ASB16: variants seen among roughly 807,000 people sequenced by gnomAD.
ASB16 encodes the protein ankyrin repeat and SOCS box protein 16.
A neutral mutation model predicts 39.1 loss-of-function variants in ASB16; 44 were observed. The observed-to-expected ratio is 1.13, with a 90% confidence interval of 0.88 to 1.45. The LOEUF (loss-of-function observed/expected upper bound fraction) is 1.45. Among genes scored for constraint, ASB16 ranks in the 40% most tolerant of loss-of-function variants. The pLI is 0.00. For synonymous variants in ASB16, 305 were observed against 286.7 expected (o/e 1.06, Z -0.64); for missense variants, 698 against 634.5 (o/e 1.10, Z -1.07).
chr17:44,174,616 C>A (rs1025840172), intron 2 of ASB16, among the ~76,000 whole-genome samples: 1 of 152,150 alleles, frequency 6.6e-6, no homozygotes, highest in South Asian at 2.1e-4. Flanking sequence ...GGAAGACTCT[C>A]CACTGCCCAC....
rs7218599 is a variant in ASB16 at position 44,170,978 on chromosome 17, A to T, written c.189A>T (p.Gln63His). 0.87 allele frequency: 1,400,955 copies of T among 1,613,816 alleles called. 609,341 individuals are homozygous for T. Among genetic ancestry groups the T allele is most frequent in the African/African-American group, 0.98 (73,271 of 75,038 alleles). ...HRSCRDPAVH[Q>H]ALFSGNLQQV... ...CCTGCCGAGACCCAGCTGTCCACCA[A>T]GCCCTCTTCTCCGGCAACCTGCAGC... The change falls in exon 1 of 5, where the codon CAA (glutamine) becomes CAT (histidine). Residue 63 changes from glutamine (Q) to histidine (H), a missense_variant. Physicochemically the swap from Gln to His is conservative, Grantham distance 24. Coordinates refer to ENST00000293414, the MANE Select transcript of ASB16 (RefSeq NM_080863.5).
chr17:44,177,899 C>T, intron 4 of ASB16, 177 bp downstream of exon 4: 1 of 814,820 alleles, frequency 1.2e-6, no homozygotes. Flanking sequence ...CCCCTAACTC[C>T]ACACACCTCT....
Position 44,178,184 on chromosome 17 carries a change from C to T in ASB16, c.1177-21C>T, listed in dbSNP as rs778945676. The T allele has an allele frequency of 1.3e-5, 21 of 1,611,068 alleles. No homozygotes were observed. The East Asian group carries it at 4.0e-4, about 31-fold the overall frequency. On this transcript the variant is annotated intron_variant, in intron 4 of 4. Coordinates refer to ENST00000293414, the MANE Select transcript of ASB16 (RefSeq NM_080863.5). ...GATGGTAGGGCAAGGGTCATCTGACCTTCTTTCACTCCTGGCCTAGGAGCA... is the reference window on the plus strand; with the variant it reads ...GATGGTAGGGCAAGGGTCATCTGACTTTCTTTCACTCCTGGCCTAGGAGCA...
intron 2 of ASB16, among the ~76,000 whole-genome samples, chr17:44,172,790 C>A (rs1277450580): frequency 6.6e-6 from 1 of 150,416 alleles, no homozygotes; most frequent in Non-Finnish European, 1.5e-5. Flanking sequence ...CTAGGTTTTG[C>A]ATTTCTAGTG....
In ASB16 at chr17:44,177,124, C is replaced by G; in HGVS notation, c.956C>G (p.Thr319Arg). The change falls in exon 3 of 5, where the codon ACG (threonine) becomes AGG (arginine). Residue 319 changes from threonine (T) to arginine (R), a missense_variant. Physicochemically the swap from Thr to Arg is moderately conservative, Grantham distance 71. Coordinates refer to ENST00000293414, the MANE Select transcript of ASB16 (RefSeq NM_080863.5). ...RAEVPNGAGH[T>R]PMDCALQAVQ... ...GAGGTCCCCAATGGGGCGGGCCACACGCCCATGGACTGTGCGCTGCAGGCC... is the reference window on the plus strand; with the variant it reads ...GAGGTCCCCAATGGGGCGGGCCACAGGCCCATGGACTGTGCGCTGCAGGCC... 1 of 1,486,128 alleles carries G rather than the reference C, an allele frequency of 6.7e-7. No individual in the cohort carries two copies. Among genetic ancestry groups the G allele is most frequent in the Non-Finnish European group, 8.9e-7 (1 of 1,124,584 alleles). 92.1% of individuals were successfully genotyped at this position (1,486,128 alleles called of 1,614,324 possible). A position where few individuals can be genotyped will look rare whatever the true frequency, so the allele number is the denominator to read the frequency against.
chr17:44,170,810 C>A lies in ASB16; in HGVS notation c.21C>A (p.Pro7=). ...CATCCATGGCAAGAGAGACCTTCCC[C>A]TTCACCTCCTCCATGCTGCGCTCTC... MARETF[P]FTSSMLRSLR... Residue 7 remains proline (P), a synonymous_variant, in exon 1 of 5, where the codon CCC becomes CCA. Coordinates refer to ENST00000293414, the MANE Select transcript of ASB16 (RefSeq NM_080863.5). 1 of 1,605,048 alleles carries A rather than the reference C, an allele frequency of 6.2e-7. No homozygotes were observed. Among genetic ancestry groups the A allele is most frequent in the South Asian group, 1.1e-5 (1 of 90,356 alleles).
Position 44,177,033 on chromosome 17 carries a change from C to T in ASB16, c.865C>T (p.His289Tyr). The T allele has an allele frequency of 6.7e-7, 1 of 1,492,728 alleles. No individual in the cohort carries two copies. 92.5% of individuals were successfully genotyped at this position (1,492,728 alleles called of 1,614,324 possible). A position where few individuals can be genotyped will look rare whatever the true frequency, so the allele number is the denominator to read the frequency against. Reference protein sequence around the residue: ...AAGRKRHTPLHNACANGCGGL... With the variant: ...AAGRKRHTPLYNACANGCGGL... ...CGGGCGCAAGCGCCACACGCCGCTG[C>T]ACAACGCTTGTGCCAACGGCTGCGG... is the stretch of plus-strand genomic sequence containing the variant. Residue 289 changes from histidine to tyrosine, a missense_variant, in exon 3 of 5, where the codon CAC becomes TAC. Coordinates refer to ENST00000293414, the MANE Select transcript of ASB16 (RefSeq NM_080863.5).
At chr17:44,177,789 C>A in intron 4 of ASB16, 67 bp downstream of exon 4, 7 of 1,574,982 alleles carry the variant, frequency 4.4e-6, no homozygotes, top group Non-Finnish European at 5.2e-6. Context: ...TCAGGACCAG[C>A]CTCATGGAGG....
intron 2 of ASB16, among the ~76,000 whole-genome samples, chr17:44,174,905 C>G (rs2054273950): frequency 6.6e-6 from 1 of 151,538 alleles, no homozygotes; most frequent in Non-Finnish European, 1.5e-5. Flanking sequence ...AGATCAAGAC[C>G]ATCCTGGCCA....
chr17:44,177,137 T>C lies in ASB16; in HGVS notation c.969T>C (p.Cys323=), dbSNP rs1008447850. ...PNGAGHTPMD[C]ALQAVQDSPN... Reference sequence around the variant, plus strand: ...GGGCGGGCCACACGCCCATGGACTGTGCGCTGCAGGCCGTCCAGGACTCCC... The same window carrying C: ...GGGCGGGCCACACGCCCATGGACTGCGCGCTGCAGGCCGTCCAGGACTCCC... Residue 323 remains cysteine (C), a synonymous_variant, in exon 3 of 5, where the codon TGT becomes TGC. Transcript: ENST00000293414. 6 of 1,515,100 alleles carry C rather than the reference T, an allele frequency of 4.0e-6. No individual in the cohort carries two copies. The highest frequency in any genetic ancestry group is 5.3e-6 in the Non-Finnish European group (6 of 1,135,290). The allele number at this position is 1,515,100 out of a possible 1,614,324, so 93.9% of individuals were successfully genotyped here.
In ASB16 at chr17:44,170,768, C is replaced by T. The variant is rs192855432; in HGVS notation, c.-22C>T. ...ACCTGGCTCTGCCCAGGTGCCACTG[C>T]CCAAACCCCTGGGCCCCATCCATGG... is the stretch of plus-strand genomic sequence containing the variant. On this transcript the variant is annotated 5_prime_UTR_variant, in exon 1 of 5. Transcript: ENST00000293414. 1 of 1,564,130 alleles carries T rather than the reference C, an allele frequency of 6.4e-7. No individual in the cohort carries two copies. The highest frequency in any genetic ancestry group is 8.7e-7 in the Non-Finnish European group (1 of 1,154,560).
Position 44,172,096 on chromosome 17 carries a change from G to C in ASB16, c.352G>C (p.Ala118Pro). ...CAAGCAGACGGCACCCCTCGCCATC[G>C]CTACAGCCCGAGGCTACACAGACTG... ...KTKQTAPLAI[A>P]TARGYTDCAR... Residue 118 changes from alanine (A) to proline (P), a missense_variant, in exon 2 of 5, where the codon GCT becomes CCT. Physicochemically the swap from Ala to Pro is conservative, Grantham distance 27. Transcript: ENST00000293414. The C allele has an allele frequency of 6.2e-7, 1 of 1,611,720 alleles. No homozygotes were observed. Among genetic ancestry groups the C allele is most frequent in the South Asian group, 1.1e-5 (1 of 91,036 alleles).
Position 44,178,543 on chromosome 17 carries a change from G to T in ASB16, c.*153G>T. Reference sequence around the variant, plus strand: ...GCTGGAGTGCAGTGGCGCTATCTCGGCTCACTGCAACTTCTACCACCTAGG... The same window carrying T: ...GCTGGAGTGCAGTGGCGCTATCTCGTCTCACTGCAACTTCTACCACCTAGG... On this transcript the variant is annotated 3_prime_UTR_variant, in exon 5 of 5. Transcript: ENST00000293414. The T allele has an allele frequency of 1.2e-6, 1 of 807,818 alleles. No individual in the cohort carries two copies. Among genetic ancestry groups the T allele is most frequent in the Non-Finnish European group, 1.9e-6 (1 of 528,124 alleles). 50.0% of individuals were successfully genotyped at this position (807,818 alleles called of 1,614,324 possible). A position where few individuals can be genotyped will look rare whatever the true frequency, so the allele number is the denominator to read the frequency against.
Position 44,179,070 on chromosome 17 carries a change from C to CT in ASB16, c.*681dup. Reference sequence around the variant, plus strand: ...TCAGCCTCCTAAAGAGGGACAAACTCTGTCTCTGCGTGCACTGGCTTGCCT... The same window carrying CT: ...TCAGCCTCCTAAAGAGGGACAAACTCTTGTCTCTGCGTGCACTGGCTTGCCT... On this transcript the variant is annotated 3_prime_UTR_variant, in exon 5 of 5. Coordinates refer to ENST00000293414, the MANE Select transcript of ASB16 (RefSeq NM_080863.5). 6.6e-6 allele frequency: 1 copy of CT among 152,670 alleles called. No homozygotes were observed. Among genetic ancestry groups the CT allele is most frequent in the Non-Finnish European group, 1.5e-5 (1 of 68,692 alleles). 9.5% of individuals were successfully genotyped at this position (152,670 alleles called of 1,614,324 possible). A position where few individuals can be genotyped will look rare whatever the true frequency, so the allele number is the denominator to read the frequency against.
Position 44,178,255 on chromosome 17 carries a change from G to A in ASB16, c.1227G>A (p.Arg409=). Residue 409 remains arginine, a synonymous_variant, in exon 5 of 5, where the codon AGG becomes AGA. Transcript: ENST00000293414. ...CCCTGTGCATGGTGAACCAGCCAAGGCAGCTGCAGCACCTGGCCCGACTAG... is the reference window on the plus strand; with the variant it reads ...CCCTGTGCATGGTGAACCAGCCAAGACAGCTGCAGCACCTGGCCCGACTAG... The part of the protein sequence containing the change: ...SSALCMVNQP[R]QLQHLARLAV... 8.1e-6 allele frequency: 13 copies of A among 1,613,468 alleles called. No individual in the cohort carries two copies. Among genetic ancestry groups the A allele is most frequent in the Non-Finnish European group, 1.1e-5 (13 of 1,179,968 alleles).
rs2054334934 is a variant in ASB16 at position 44,178,586 on chromosome 17, C to T, written c.*196C>T. On this transcript the variant is annotated 3_prime_UTR_variant, in exon 5 of 5. Coordinates refer to ENST00000293414, the MANE Select transcript of ASB16 (RefSeq NM_080863.5). ...CACCTAGGTTCAAGCGATTCTTGTG[C>T]CCCAAACTTCCGAGTAGCTGGGACT... is the stretch of plus-strand genomic sequence containing the variant. 5 of 614,688 alleles carry T rather than the reference C, an allele frequency of 8.1e-6. No individual in the cohort carries two copies. Among genetic ancestry groups the T allele is most frequent in the Non-Finnish European group, 5.6e-6 (2 of 358,910 alleles). 38.1% of individuals were successfully genotyped at this position (614,688 alleles called of 1,614,324 possible). A position where few individuals can be genotyped will look rare whatever the true frequency, so the allele number is the denominator to read the frequency against.
At chr17:44,171,151 G>T in intron 1 of ASB16, 61 bp downstream of exon 1, 1 of 1,535,114 alleles carries the variant, frequency 6.5e-7, no homozygotes, top group South Asian at 1.2e-5. Flanking sequence ...GGTGGGGAAG[G>T]GGGAGAGTCT....
chr17:44,177,345 G>A, intron 3 of ASB16, 115 bp downstream of exon 3: 3 of 1,379,342 alleles, frequency 2.2e-6, no homozygotes, highest in South Asian at 3.1e-5. Flanking sequence ...GCCCTCAGTG[G>A]CCAGGGGGCT....
At chr17:44,177,551 C>G in intron 3 of ASB16, 58 bp from the exon 4 acceptor site, 2 of 1,584,318 alleles carry the variant, frequency 1.3e-6, no homozygotes, top group Non-Finnish European at 8.6e-7. Flanking sequence ...TGAGGCAAGA[C>G]TTGGGTCTGC....
Sources: allele counts gnomAD v4.1 joint callset (sites outside exome capture counted in the v4.1 genomes callset), GRCh38; gene constraint gnomAD v4.1.1; transcripts MANE v1.5; gene names NCBI Gene and HGNC (gene_info 2026-07-23, HGNC 2026-07-21).